The following NCKAP1 variants were observed in gnomAD, a reference collection of about 807,000 sequenced individuals.
The protein encoded by NCKAP1 is nck-associated protein 1.
Under a neutral mutation model 151.2 loss-of-function variants are expected in NCKAP1, and 21 were observed. That is an observed-to-expected ratio of 0.14 (90% CI 0.10 to 0.20). The LOEUF (loss-of-function observed/expected upper bound fraction) is 0.20, where lower values mean the gene tolerates loss of function less well. NCKAP1 is among the 10% of genes least tolerant of loss of function. The pLI, the probability that NCKAP1 is intolerant of heterozygous loss-of-function variation, is 1.00. For missense variants in NCKAP1, 933 were observed against 1,352.1 expected, an observed-to-expected ratio of 0.69 and a Z score of 4.86; for synonymous variants, 484 against 451.8, an observed-to-expected ratio of 1.07 and a Z score of -0.90.
At chr2:182,994,949 G>C (rs1458087087) in intron 7 of NCKAP1, 62 bp from the exon 8 acceptor site, 1 of 1,304,562 alleles carries the variant, frequency 7.7e-7, no homozygotes, top group African/African-American at 1.5e-5. Flanking sequence ...TCCATATTGA[G>C]CCACTCTCCT....
At chr2:182,952,583 T>G in intron 22 of NCKAP1, 81 bp from the exon 23 acceptor site, 1 of 1,174,288 alleles carries the variant, frequency 8.5e-7, no homozygotes, top group Non-Finnish European at 1.2e-6. Flanking sequence ...ATACAACATC[T>G]CATTATAAAA....
rs890930516 is a variant in NCKAP1, at chr2:182,961,940, C to G, written c.1881+219G>C. Among the ~76,000 whole-genome samples, 3 of 152,188 alleles carry G rather than the reference C, an allele frequency of 2.0e-5. No homozygotes were observed. In the South Asian group the frequency reaches 6.2e-4, roughly 32 times the overall value. ...ACACTACACACATGTAAAAACTACA[C>G]GTGACTCCTGATTAAAGAACACAAA... is the stretch of plus-strand genomic sequence containing the variant. On this transcript the variant is annotated intron_variant, in intron 18 of 30. Coordinates refer to ENST00000361354, the MANE Select transcript of NCKAP1 (RefSeq NM_013436.5).
chr2:182,961,144 C>G (rs988967632), intron 18 of NCKAP1, among the ~76,000 whole-genome samples: 3 of 152,134 alleles, frequency 2.0e-5, no homozygotes, highest in African/African-American at 7.2e-5. Flanking sequence ...GGACTGTAAA[C>G]TAGTTCAACC....
intron 2 of NCKAP1, among the ~76,000 whole-genome samples, chr2:183,014,056 A>G (rs1698637335): frequency 6.6e-6 from 1 of 152,128 alleles, no homozygotes; most frequent in Non-Finnish European, 1.5e-5. Context: ...TGTTCTTCCT[A>G]GAACTCTTTA....
intron 27 of NCKAP1, among the ~76,000 whole-genome samples, chr2:182,929,263 G>A (rs1275402727): frequency 3.0e-4 from 45 of 151,788 alleles, no homozygotes; most frequent in Admixed American, 3.0e-3. Flanking sequence ...ATTACTTTAT[G>A]AGACAGTTCT....
rs2105784694 is a variant in NCKAP1 at position 182,911,684 on chromosome 2, T to C, written c.*14018A>G. 6.6e-6 allele frequency: 1 copy of C among 152,288 alleles called. No homozygotes were observed. Among genetic ancestry groups the C allele is most frequent in the East Asian group, 1.9e-4 (1 of 5,186 alleles). 9.4% of individuals were successfully genotyped at this position (152,288 alleles called of 1,614,324 possible). A position where few individuals can be genotyped will look rare whatever the true frequency, so the allele number is the denominator to read the frequency against. On this transcript the variant is annotated 3_prime_UTR_variant, in exon 31 of 31. Transcript: ENST00000361354. ...TTTTCTCCCAAGCTGTTTGAGCTTT[T>C]ATGTTAACACCTATACTACTACAAT...
intron 6 of NCKAP1, 37 bp downstream of exon 6, chr2:183,001,916 T>C (rs1417539694): frequency 1.3e-6 from 2 of 1,537,626 alleles, no homozygotes; most frequent in Admixed American, 1.7e-5. Flanking sequence ...CTATGTTATA[T>C]GCCCATTCTC....
chr2:182,982,262 C>T (rs2105853887), intron 12 of NCKAP1, among the ~76,000 whole-genome samples: 1 of 152,224 alleles, frequency 6.6e-6, no homozygotes, highest in South Asian at 2.1e-4. Context: ...TAATTTAAAA[C>T]TAAATTTGAC....
At chr2:182,999,286 A>T (rs1485002745) in intron 6 of NCKAP1, among the ~76,000 whole-genome samples, 1 of 152,190 alleles carries the variant, frequency 6.6e-6, no homozygotes, top group Non-Finnish European at 1.5e-5. Context: ...TACGGAACTT[A>T]AATCAACAAG....
At chr2:183,032,197 T>C (rs1234422895) in intron 1 of NCKAP1, among the ~76,000 whole-genome samples, 1 of 152,164 alleles carries the variant, frequency 6.6e-6, no homozygotes, top group Non-Finnish European at 1.5e-5. Context: ...AGCCCAGAAA[T>C]GTTAAATAAC....
At chr2:182,957,350 T>C in intron 19 of NCKAP1, 107 bp downstream of exon 19, 1 of 1,157,262 alleles carries the variant, frequency 8.6e-7, no homozygotes, top group Non-Finnish European at 1.2e-6. Flanking sequence ...GGCTGGAAAA[T>C]GAAGAATATA....
Position 182,924,616 on chromosome 2 carries a change from C to T in NCKAP1, c.*1086G>A, listed in dbSNP as rs1696604452. ...TCTTTTAAATAACTCTATTTGGTTA[C>T]AGATAAAATGAGCAAGTTGACAGCA... On this transcript the variant is annotated 3_prime_UTR_variant, in exon 31 of 31. Coordinates refer to ENST00000361354, the MANE Select transcript of NCKAP1 (RefSeq NM_013436.5). The T allele has an allele frequency of 6.6e-6, 1 of 152,032 alleles. No homozygotes were observed. The highest frequency in any genetic ancestry group is 1.5e-5 in the Non-Finnish European group (1 of 68,004). The allele number at this position is 152,032 out of a possible 1,614,324, so 9.4% of individuals were successfully genotyped here.
chr2:182,941,566 A>G (rs1281306646), intron 24 of NCKAP1, among the ~76,000 whole-genome samples: 1 of 152,238 alleles, frequency 6.6e-6, no homozygotes, highest in African/African-American at 2.4e-5. Flanking sequence ...GTAGGAGACC[A>G]ACTACAAAGA....
rs752264902 is a variant in NCKAP1 at position 182,915,308 on chromosome 2, T to G, written c.*10394A>C. The G allele has an allele frequency of 6.6e-6, 1 of 152,184 alleles. No homozygotes were observed. The highest frequency in any genetic ancestry group is 1.5e-5 in the Non-Finnish European group (1 of 68,036). The allele number at this position is 152,184 out of a possible 1,614,324, so 9.4% of individuals were successfully genotyped here. ...CAGACTTTGCTTTTCAAAAACGTTG[T>G]ATGGTTCACAGCTGAAGAGAGAATA... is the stretch of plus-strand genomic sequence containing the variant. On this transcript the variant is annotated 3_prime_UTR_variant, in exon 31 of 31. Transcript: ENST00000361354.
Position 182,917,620 on chromosome 2 carries a change from G to C in NCKAP1, c.*8082C>G, listed in dbSNP as rs1696488034. Reference sequence around the variant, plus strand: ...AATTAATCCATCAATCACATTTAGAGAGCTCTTGGCACGAACTTTAATATT... The same window carrying C: ...AATTAATCCATCAATCACATTTAGACAGCTCTTGGCACGAACTTTAATATT... On this transcript the variant is annotated 3_prime_UTR_variant, in exon 31 of 31. Coordinates refer to ENST00000361354, the MANE Select transcript of NCKAP1 (RefSeq NM_013436.5). The C allele has an allele frequency of 6.6e-6, 1 of 152,140 alleles. No homozygotes were observed. Among genetic ancestry groups the C allele is most frequent in the African/African-American group, 2.4e-5 (1 of 41,430 alleles). 9.4% of individuals were successfully genotyped at this position (152,140 alleles called of 1,614,324 possible). A position where few individuals can be genotyped will look rare whatever the true frequency, so the allele number is the denominator to read the frequency against.
intron 1 of NCKAP1, among the ~76,000 whole-genome samples, chr2:183,024,346 A>G (rs1275664204): frequency 1.3e-5 from 2 of 152,184 alleles, no homozygotes; most frequent in African/African-American, 4.8e-5. Context: ...TGTTTTCCTC[A>G]TTCACTTTAA....
Position 182,925,533 on chromosome 2 carries a change from A to G in NCKAP1, c.*169T>C. 1 of 393,206 alleles carries G rather than the reference A, an allele frequency of 2.5e-6. No homozygotes were observed. Among genetic ancestry groups the G allele is most frequent in the East Asian group, 3.9e-5 (1 of 25,392 alleles). The allele number at this position is 393,206 out of a possible 1,614,324, so 24.4% of individuals were successfully genotyped here. A position where few individuals can be genotyped will look rare whatever the true frequency, so the allele number is the denominator to read the frequency against. ...AATGTGCAACCTAAATCAACCAAGT[A>G]TACTGTAGTACAACCATATTAAGAA... is the stretch of plus-strand genomic sequence containing the variant. On this transcript the variant is annotated 3_prime_UTR_variant, in exon 31 of 31. Coordinates refer to ENST00000361354, the MANE Select transcript of NCKAP1 (RefSeq NM_013436.5).
intron 23 of NCKAP1, among the ~76,000 whole-genome samples, chr2:182,949,502 C>A (rs906994628): frequency 6.6e-6 from 1 of 152,070 alleles, no homozygotes; most frequent in Non-Finnish European, 1.5e-5. Flanking sequence ...TTGAATAAAA[C>A]AGAGTTAAGA....
At chr2:183,020,451 C>G (rs1355267990) in intron 2 of NCKAP1, among the ~76,000 whole-genome samples, 3 of 103,070 alleles carry the variant, frequency 2.9e-5, no homozygotes, top group Admixed American at 2.3e-4. Flanking sequence ...GGCAATAAAG[C>G]AGGACCGTGT....
Sources: allele counts gnomAD v4.1 joint callset (sites outside exome capture counted in the v4.1 genomes callset), GRCh38; gene constraint gnomAD v4.1.1; transcripts MANE v1.5; gene names NCBI Gene and HGNC (gene_info 2026-07-23, HGNC 2026-07-21).